Variants in TRPM4 observed in about 807,000 individuals in gnomAD.
The protein encoded by TRPM4 is calcium-activated non-selective cation channel 1.
Under a neutral mutation model 135.6 loss-of-function variants are expected in TRPM4, and 124 were observed. The ratio of observed to expected loss-of-function variants is 0.91; its 90% CI spans 0.79 to 1.06. TRPM4 has a LOEUF of 1.06. TRPM4 is among the 50% of genes least tolerant of loss of function. TRPM4 has a pLI of 0.00. For synonymous variants in TRPM4, 745 were observed against 705.6 expected, an observed-to-expected ratio of 1.06 and a Z score of -0.88; for missense variants, 1,658 against 1,671.4, an observed-to-expected ratio of 0.99 and a Z score of 0.14.
At chr19:49,175,928 C>CTTT (rs34213157) in intron 9 of TRPM4, among the ~76,000 whole-genome samples, 1 of 109,214 alleles carries the variant, frequency 9.2e-6, no homozygotes, top group Non-Finnish European at 1.8e-5. Flanking sequence ...CGCCCGGCCT[C>CTTT]TTTTTTTTTT....
At chr19:49,207,485 C>T (rs1448821007) in intron 20 of TRPM4, among the ~76,000 whole-genome samples, 2 of 151,538 alleles carry the variant, frequency 1.3e-5, no homozygotes, top group African/African-American at 4.9e-5. Context: ...AAAAAATTTG[C>T]CAGGCGTGGT....
rs748407688 is a variant in TRPM4, at chr19:49,182,697, C to A, written c.1383C>A (p.Ala461=). 3 of 1,614,238 alleles carry A rather than the reference C, an allele frequency of 1.9e-6. No homozygotes were observed. Among genetic ancestry groups the A allele is most frequent in the Non-Finnish European group, 1.7e-6 (2 of 1,180,048 alleles). Residue 461 remains alanine (A), a synonymous_variant, in exon 11 of 25, where the codon GCC becomes GCA. Coordinates refer to ENST00000252826, the MANE Select transcript of TRPM4 (RefSeq NM_017636.4). Reference sequence around the variant, plus strand: ...ACTTCCTGACCCCGATGCGCCTGGCCCAACTCTACAGCGCGGCGCCCTCCA... The same window carrying A: ...ACTTCCTGACCCCGATGCGCCTGGCACAACTCTACAGCGCGGCGCCCTCCA... The part of the protein sequence containing the change: ...LGHFLTPMRL[A]QLYSAAPSNS...
chr19:49,211,256 G>A lies in TRPM4; in HGVS notation c.3627G>A (p.Leu1209=), dbSNP rs761027330. The A allele has an allele frequency of 1.4e-5, 22 of 1,583,400 alleles. No homozygotes were observed. Among genetic ancestry groups the A allele is most frequent in the Middle Eastern group, 1.7e-4 (1 of 6,050 alleles). The change falls in exon 24 of 25, where the codon CTG becomes CTA. Residue 1209 remains leucine, a synonymous_variant. Transcript: ENST00000252826. The surrounding 1 kb of genome is among the most constrained non-coding windows in gnomAD (Gnocchi z 4.8). ...CAGGTGGGCCGCCACCCCCTGACCT[G>A]CCTGGGTCCAAAGGTCAGTGTGTAG... ...LPPGGPPPPD[L]PGSKD
chr19:49,211,728 G>A lies in TRPM4; in HGVS notation c.*230G>A, dbSNP rs1969377793. 4 of 623,162 alleles carry A rather than the reference G, an allele frequency of 6.4e-6. No homozygotes were observed. Among genetic ancestry groups the A allele is most frequent in the East Asian group, 2.7e-5 (1 of 36,616 alleles). The allele number at this position is 623,162 out of a possible 1,614,324, so 38.6% of individuals were successfully genotyped here. ...CTGGGAGGATCAAGGCCTGGATCCCGGGCCGTTATCCATCTGGAGGCTGCA... is the reference window on the plus strand; with the variant it reads ...CTGGGAGGATCAAGGCCTGGATCCCAGGCCGTTATCCATCTGGAGGCTGCA... On this transcript the variant is annotated 3_prime_UTR_variant, in exon 25 of 25. Coordinates refer to ENST00000252826, the MANE Select transcript of TRPM4 (RefSeq NM_017636.4). This position sits in a 1 kb window ranked among gnomAD's most constrained non-coding sequence, Gnocchi z 4.8.
chr19:49,166,038 C>T lies in TRPM4; in HGVS notation c.93-3C>T. ...GGTTCACGCTCCGCCCTCGCACCCCCAGAGGGACCTTGTGCCAGTGTGGGC... is the reference window on the plus strand; with the variant it reads ...GGTTCACGCTCCGCCCTCGCACCCCTAGAGGGACCTTGTGCCAGTGTGGGC... On this transcript the variant is annotated splice_region_variant and splice_polypyrimidine_tract_variant and intron_variant, in intron 2 of 24. Coordinates refer to ENST00000252826, the MANE Select transcript of TRPM4 (RefSeq NM_017636.4). 4 of 1,590,868 alleles carry T rather than the reference C, an allele frequency of 2.5e-6. No individual in the cohort carries two copies.
chr19:49,192,074 C>G (rs969987834), intron 16 of TRPM4, among the ~76,000 whole-genome samples: 1 of 152,236 alleles, frequency 6.6e-6, no homozygotes, highest in African/African-American at 2.4e-5. Context: ...AATCACTATG[C>G]TATGGTTGCC....
At chr19:49,184,667 G>C (rs1008220503) in intron 12 of TRPM4, among the ~76,000 whole-genome samples, 1 of 151,496 alleles carries the variant, frequency 6.6e-6, no homozygotes, top group African/African-American at 2.4e-5. Context: ...TTTTTTTAGA[G>C]ACAGGGTTTC....
Position 49,200,782 on chromosome 19 carries a change from G to A in TRPM4, c.2950G>A (p.Asp984Asn), listed in dbSNP as rs759205071. 1.2e-6 allele frequency: 2 copies of A among 1,613,922 alleles called. No homozygotes were observed. ...CGGGCAGATTCCCCAGGAGGACATG[G>A]ACGGTAGGGGGGATGACGGCCTGAC... ...IFGQIPQEDM[D>N]VALMEHSNCS... is the part of the protein sequence containing the mutation. The change falls in exon 19 of 25, where the codon GAC becomes AAC. Residue 984 changes from aspartate (D) to asparagine (N), a missense_variant. This residue lies in a region of TRPM4 where 1,412 missense variants were observed against 1,408.7 expected (regional missense o/e 1.00). Transcript: ENST00000252826.
At chr19:49,209,223 T>C (rs1318283666) in intron 20 of TRPM4, among the ~76,000 whole-genome samples, 1 of 152,236 alleles carries the variant, frequency 6.6e-6, no homozygotes, top group Non-Finnish European at 1.5e-5. Context: ...TACTGCTCTG[T>C]AATTTTCTTG....
In TRPM4 at chr19:49,210,339, C is replaced by T. The variant is rs753463115; in HGVS notation, c.3262C>T (p.Leu1088=). ...PFIVISHLRL[L]LRQLCRRPRS... is the part of the protein sequence containing the mutation. ...TATCGTCATCTCCCACTTGCGCCTC[C>T]TGCTCAGGCAATTGTGCAGGCGACC... Residue 1088 remains leucine (L), a synonymous_variant, in exon 21 of 25, where the codon CTG becomes TTG. Coordinates refer to ENST00000252826, the MANE Select transcript of TRPM4 (RefSeq NM_017636.4). This position sits in a 1 kb window ranked among gnomAD's most constrained non-coding sequence, Gnocchi z 4.1. The T allele has an allele frequency of 6.2e-7, 1 of 1,614,256 alleles. No individual in the cohort carries two copies. The highest frequency in any genetic ancestry group is 2.2e-5 in the East Asian group (1 of 44,882).
At chr19:49,187,621 C>T (rs1435809932) in intron 12 of TRPM4, among the ~76,000 whole-genome samples, 3 of 152,156 alleles carry the variant, frequency 2.0e-5, no homozygotes, top group Admixed American at 6.6e-5. Context: ...AATGGGTTCA[C>T]GTTGCCCGCT....
rs145172622 is a variant in TRPM4, at chr19:49,205,717, G to T, written c.3131+3576G>T. On this transcript the variant is annotated intron_variant, in intron 20 of 24. Coordinates refer to ENST00000252826, the MANE Select transcript of TRPM4 (RefSeq NM_017636.4). ...TACACAGCTAATTTTTGTATTTTTAGTAGGGACGGGGTTTCACCATGTTGC... is the reference window on the plus strand; with the variant it reads ...TACACAGCTAATTTTTGTATTTTTATTAGGGACGGGGTTTCACCATGTTGC... Among the ~76,000 whole-genome samples the T allele has an allele frequency of 4.6e-3, 691 of 151,436 alleles. 8 individuals carry two copies. The highest frequency in any genetic ancestry group is 0.015 in the African/African-American group (639 of 41,264).
chr19:49,205,991 G>A (rs557076472), intron 20 of TRPM4, among the ~76,000 whole-genome samples: 5 of 151,860 alleles, frequency 3.3e-5, no homozygotes, highest in South Asian at 2.1e-4. Flanking sequence ...ACGGAGTCTC[G>A]CTCTTGTCAC....
At chr19:49,200,583 G>C in intron 18 of TRPM4, 28 bp from the exon 19 acceptor site, 1 of 1,609,086 alleles carries the variant, frequency 6.2e-7, no homozygotes. Flanking sequence ...GAAAGGGCGG[G>C]GCCAGACTCA....
chr19:49,170,173 G>A (rs1874563848), intron 6 of TRPM4, among the ~76,000 whole-genome samples: 1 of 152,158 alleles, frequency 6.6e-6, no homozygotes. Flanking sequence ...TAGTGGTAAT[G>A]TGGTCTAGTT....
intron 10 of TRPM4, 178 bp from the exon 11 acceptor site, chr19:49,182,400 C>A: frequency 4.5e-6 from 3 of 659,858 alleles, no homozygotes; most frequent in Non-Finnish European, 8.3e-6. Flanking sequence ...ATCTGCCCAT[C>A]CATCCATCTG....
chr19:49,189,383 A>G (rs559497612), intron 14 of TRPM4, among the ~76,000 whole-genome samples: 12 of 152,300 alleles, frequency 7.9e-5, no homozygotes, highest in African/African-American at 2.6e-4. Flanking sequence ...TAACCTTGGA[A>G]GTCCTTCCCG....
At position 49,183,038 on chromosome 19, in the gene TRPM4, G is replaced by A. The variant is rs1396910101; in HGVS notation, c.1609-40G>A. 4 of 1,607,582 alleles carry A rather than the reference G, an allele frequency of 2.5e-6. No individual in the cohort carries two copies. The South Asian group carries it at 4.4e-5, about 18-fold the overall frequency. ...GCAGGGCTGGTGGTGGCCAGTGTTG[G>A]GGAGGGGCTGGTCCTCACCACCCCT... On this transcript the variant is annotated intron_variant, in intron 11 of 24. Transcript: ENST00000252826.
intron 16 of TRPM4, 45 bp from the exon 17 acceptor site, chr19:49,196,395 G>A (rs1201292141): frequency 1.1e-5 from 16 of 1,481,938 alleles, no homozygotes; most frequent in Non-Finnish European, 1.4e-5. Flanking sequence ...TCAGGACTCA[G>A]AGGTCAGAGT....
Sources: allele counts gnomAD v4.1 joint callset (sites outside exome capture counted in the v4.1 genomes callset), GRCh38; gene constraint gnomAD v4.1.1; regional missense constraint gnomAD v4.1.1; non-coding constraint Gnocchi (gnomAD v3.1); transcripts MANE v1.5; gene names NCBI Gene and HGNC (gene_info 2026-07-23, HGNC 2026-07-21).